The following LPP variants were observed in gnomAD, a reference collection of about 807,000 sequenced individuals.
LPP encodes lipoma-preferred partner.
LPP carries 38 observed loss-of-function variants against 60.4 expected under a neutral mutation model. That is an observed-to-expected ratio of 0.63 (90% CI 0.49 to 0.83). The LOEUF is 0.83. Ranked by LOEUF, LPP falls within the 40% of genes least tolerant of loss-of-function variation. LPP has a pLI of 0.00. For synonymous variants in LPP, 328 were observed against 290.8 expected (o/e 1.13, Z -1.30); for missense variants, 902 against 783.6 (o/e 1.15, Z -1.80).
chr3:188,419,775 A>G (rs2149018816), intron 4 of LPP, among the ~76,000 whole-genome samples: 1 of 152,318 alleles, frequency 6.6e-6, no homozygotes, highest in South Asian at 2.1e-4. Flanking sequence ...CTGTAATCCC[A>G]GCTACTTGGG....
chr3:188,343,735 G>C (rs757356927), intron 3 of LPP, among the ~76,000 whole-genome samples: 2 of 152,178 alleles, frequency 1.3e-5, no homozygotes, highest in African/African-American at 4.8e-5. Flanking sequence ...TGGAGGTGGG[G>C]AATGGTAGAG....
At chr3:188,459,798 G>T (rs1158686245) in intron 4 of LPP, among the ~76,000 whole-genome samples, 1 of 151,556 alleles carries the variant, frequency 6.6e-6, no homozygotes, top group Non-Finnish European at 1.5e-5. Flanking sequence ...CAGATCAAGG[G>T]AATACTTATT....
intron 2 of LPP, among the ~76,000 whole-genome samples, chr3:188,249,870 A>G (rs1265174425): frequency 8.4e-6 from 1 of 118,354 alleles, no homozygotes; most frequent in Non-Finnish European, 1.8e-5. Flanking sequence ...ACACACACAC[A>G]GTCTCCCCCA....
At chr3:188,197,062 C>T (rs1274291951) in intron 1 of LPP, among the ~76,000 whole-genome samples, 1 of 152,110 alleles carries the variant, frequency 6.6e-6, no homozygotes, top group Non-Finnish European at 1.5e-5. Context: ...AATAGGTGTG[C>T]AAGTGATATT....
intron 6 of LPP, chr3:188,562,322 GGACGT>G (rs1446653015): frequency 6.6e-6 from 1 of 152,126 alleles, no homozygotes; most frequent in African/African-American, 2.4e-5. Context: ...ACTTCCTGCA[GGACGT>G]GACTTTTGAT....
At chr3:188,716,681 A>C (rs1714138417) in intron 8 of LPP, among the ~76,000 whole-genome samples, 1 of 152,088 alleles carries the variant, frequency 6.6e-6, no homozygotes, top group South Asian at 2.1e-4. Context: ...GCCAGTTCCC[A>C]TTCAGCGTAA....
chr3:188,854,551 C>A (rs1391473163), intron 9 of LPP, among the ~76,000 whole-genome samples: 1 of 152,182 alleles, frequency 6.6e-6, no homozygotes, highest in Non-Finnish European at 1.5e-5. Context: ...AATTAGAAGG[C>A]CTTGTTCTCA....
chr3:188,689,405 A>G (rs1861606339), intron 7 of LPP, among the ~76,000 whole-genome samples: 1 of 152,202 alleles, frequency 6.6e-6, no homozygotes, highest in Non-Finnish European at 1.5e-5. Flanking sequence ...CTTGGCAGGA[A>G]AAGTTGACTT....
At chr3:188,294,015 G>A (rs111346243) in intron 2 of LPP, among the ~76,000 whole-genome samples, 12,612 of 129,954 alleles carry the variant, frequency 0.097, 630 homozygotes, top group South Asian at 0.13. Flanking sequence ...GCAGTGAGCC[G>A]AGATCTGCCC....
intron 7 of LPP, among the ~76,000 whole-genome samples, chr3:188,681,215 C>T (rs1427018273): frequency 1.3e-5 from 2 of 152,094 alleles, no homozygotes; most frequent in Non-Finnish European, 2.9e-5. Context: ...AGGATGGTCT[C>T]GATCTCTTGA....
chr3:188,407,790 T>TTTTTTTTTTTTTTTTTTTTTTTTTTTG (rs1560364521), intron 4 of LPP, among the ~76,000 whole-genome samples: 1 of 76,324 alleles, frequency 1.3e-5, no homozygotes. Context: ...GTTTGTTTGT[T>TTTTTTTTTTTTTTTTTTTTTTTTTTTG]TTTTTTTTTT....
chr3:188,235,148 G>C (rs1190917535), intron 2 of LPP, among the ~76,000 whole-genome samples: 2 of 152,182 alleles, frequency 1.3e-5, no homozygotes, highest in African/African-American at 4.8e-5. Flanking sequence ...GAAATAAAGG[G>C]GCAGGAGGAG....
chr3:188,791,634 G>C (rs554198338), intron 9 of LPP, among the ~76,000 whole-genome samples: 12 of 151,926 alleles, frequency 7.9e-5, no homozygotes, highest in Admixed American at 7.2e-4. Context: ...TCTATCCGTA[G>C]TCTTTTGTGT....
chr3:188,742,368 T>C (rs1298168029), intron 8 of LPP, among the ~76,000 whole-genome samples: 2 of 152,162 alleles, frequency 1.3e-5, no homozygotes, highest in Admixed American at 6.6e-5. Context: ...ATATTTATAA[T>C]GGCCAAAAAC....
At chr3:188,538,070 G>C (rs1189664245) in intron 6 of LPP, among the ~76,000 whole-genome samples, 1 of 152,172 alleles carries the variant, frequency 6.6e-6, no homozygotes, top group Admixed American at 6.5e-5. Flanking sequence ...CTACCTCATA[G>C]TGTAAGACAC....
At chr3:188,732,250 G>A (rs1453716497) in intron 8 of LPP, among the ~76,000 whole-genome samples, 1 of 152,142 alleles carries the variant, frequency 6.6e-6, no homozygotes, top group Admixed American at 6.5e-5. Flanking sequence ...TTTATCTGAC[G>A]CAATGAGAAC....
chr3:188,300,288 T>C (rs1261954321), intron 2 of LPP, among the ~76,000 whole-genome samples: 1 of 152,152 alleles, frequency 6.6e-6, no homozygotes, highest in African/African-American at 2.4e-5. Flanking sequence ...TTGTAAACAT[T>C]CCCAAAATGT....
chr3:188,569,766 T>C (rs1833084188), intron 6 of LPP, among the ~76,000 whole-genome samples: 1 of 152,070 alleles, frequency 6.6e-6, no homozygotes, highest in Non-Finnish European at 1.5e-5. Flanking sequence ...AATTGGCCAC[T>C]AAAGGCACAA....
chr3:188,401,669 C>T (rs542199279), intron 3 of LPP, among the ~76,000 whole-genome samples: 4 of 152,320 alleles, frequency 2.6e-5, no homozygotes, highest in South Asian at 2.1e-4. Flanking sequence ...AATTAACAGA[C>T]ATTTTTATTG....
Sources: allele counts gnomAD v4.1 joint callset (sites outside exome capture counted in the v4.1 genomes callset), GRCh38; gene constraint gnomAD v4.1.1; transcripts MANE v1.5; gene names NCBI Gene and HGNC (gene_info 2026-07-23, HGNC 2026-07-21).